The following ZFHX3 variants were observed in gnomAD, a reference collection of about 807,000 sequenced individuals.
ZFHX3 encodes zinc finger homeobox 3, also known as zinc finger homeobox protein 3.
Under a neutral mutation model 279.1 loss-of-function variants are expected in ZFHX3, and 42 were observed. The ratio of observed to expected loss-of-function variants is 0.15; its 90% confidence interval spans 0.12 to 0.19. The LOEUF is 0.19. Ranked by LOEUF, ZFHX3 falls within the 10% of genes least tolerant of loss-of-function variation. The probability of loss-of-function intolerance (pLI) is 1.00; values close to 1 mark genes in which losing one functional copy is unlikely to be tolerated. For missense variants in ZFHX3, 4,981 were observed against 4,754.0 expected (o/e 1.05, Z -1.40); for synonymous variants, 2,293 against 1,957.8 (o/e 1.17, Z -4.52).
chr16:73,773,649 G>T (rs1258082700), intron 1 of ZFHX3, among the ~76,000 whole-genome samples: 1 of 152,218 alleles, frequency 6.6e-6, no homozygotes, highest in Admixed American at 6.5e-5. Flanking sequence ...GTAGAGATAT[G>T]TGAGCAAGCA....
intron 1 of ZFHX3, among the ~76,000 whole-genome samples, chr16:73,821,929 C>T (rs536892800): frequency 6.6e-6 from 1 of 152,272 alleles, no homozygotes; most frequent in South Asian, 2.1e-4. Context: ...GGTCACAACC[C>T]AAAGACTCCA....
rs531227688 is a variant in ZFHX3, at chr16:73,698,110, T to C, written c.-1607-17870A>G. ...AGTTTAGTTAATTGCATGGTATCAA[T>C]GTCAATTTCTTAGTTTTGGTAATTG... On this transcript the variant is annotated intron_variant, in intron 1 of 17. Transcript: ENST00000641206. Among the ~76,000 whole-genome samples the C allele has an allele frequency of 3.9e-5, 6 of 152,248 alleles. No individual in the cohort carries two copies. The East Asian group carries it at 7.7e-4, about 20-fold the overall frequency.
chr16:73,744,011 CT>C (rs1347676295), intron 1 of ZFHX3, among the ~76,000 whole-genome samples: 4 of 152,166 alleles, frequency 2.6e-5, no homozygotes, highest in Non-Finnish European at 4.4e-5. Flanking sequence ...AACTCTCCCT[CT>C]TTTAATTCCG....
At chr16:72,817,047 A>ATTACGTTG (rs2036627875) in intron 5 of ZFHX3, among the ~76,000 whole-genome samples, 1 of 152,270 alleles carries the variant, frequency 6.6e-6, no homozygotes, top group African/African-American at 2.4e-5. Context: ...AAATGGTTTT[A>ATTACGTTG]TTACGTTGTA....
Position 72,796,723 on chromosome 16 carries a change from A to G in ZFHX3, c.5959T>C (p.Ser1987Pro). 6.2e-7 allele frequency: 1 copy of G among 1,613,732 alleles called. No homozygotes were observed. The highest frequency in any genetic ancestry group is 8.5e-7 in the Non-Finnish European group (1 of 1,179,956). ...ATGTTGGAAAACAACTTGCCGCAGG[A>G]GTCACACTCGAGCTTTTCCAGGTTC... Reference protein sequence around the residue: ...GENLEKLECDSCGKLFSNILI... With the variant: ...GENLEKLECDPCGKLFSNILI... The change falls in exon 9 of 10, where the codon TCC (serine) becomes CCC (proline). Residue 1987 changes from serine to proline, a missense_variant. This residue lies in a region of ZFHX3 where 1,751 missense variants were observed against 1,770.0 expected (regional missense o/e 0.99). Transcript: ENST00000268489.
In ZFHX3 at chr16:72,864,212, C is replaced by T. The variant is rs760823874; in HGVS notation, c.3448+25519G>A. Among the ~76,000 whole-genome samples, 39 of 152,198 alleles carry T rather than the reference C, an allele frequency of 2.6e-4. No homozygotes were observed. In the Middle Eastern group the frequency reaches 0.02, roughly 80 times the overall value. ...CTTATGTTTGATTTTAATTCTTTACCTGACCCTTATATTTTTTTCTTTTGA... is the reference window on the plus strand; with the variant it reads ...CTTATGTTTGATTTTAATTCTTTACTTGACCCTTATATTTTTTTCTTTTGA... On this transcript the variant is annotated intron_variant, in intron 4 of 9. Coordinates refer to ENST00000268489, the MANE Select transcript of ZFHX3 (RefSeq NM_006885.4).
At chr16:73,263,300 C>T (rs1048920610) in intron 4 of ZFHX3, among the ~76,000 whole-genome samples, 1 of 152,086 alleles carries the variant, frequency 6.6e-6, no homozygotes, top group Non-Finnish European at 1.5e-5. Context: ...CCCACCTCAG[C>T]CTCCTGAGTA....
intron 3 of ZFHX3, among the ~76,000 whole-genome samples, chr16:73,413,268 A>G (rs1045450058): frequency 6.6e-6 from 1 of 152,234 alleles, no homozygotes; most frequent in Non-Finnish European, 1.5e-5. Flanking sequence ...CACAGAACAG[A>G]GCAAAGAACA....
chr16:73,427,682 T>A (rs1447819606), intron 3 of ZFHX3, among the ~76,000 whole-genome samples: 1 of 151,908 alleles, frequency 6.6e-6, no homozygotes, highest in Non-Finnish European at 1.5e-5. Flanking sequence ...ATGCTTGTAA[T>A]CCTAGCACTT....
intron 1 of ZFHX3, among the ~76,000 whole-genome samples, chr16:73,849,270 A>G (rs1251127094): frequency 1.3e-5 from 2 of 152,178 alleles, no homozygotes; most frequent in East Asian, 1.9e-4. Context: ...GCCACATCTC[A>G]CAAGACCTGT....
intron 1 of ZFHX3, among the ~76,000 whole-genome samples, chr16:73,750,394 A>C (rs1478758919): frequency 6.6e-6 from 1 of 152,224 alleles, no homozygotes; most frequent in Non-Finnish European, 1.5e-5. Flanking sequence ...TATTACTATT[A>C]TCATGATAAT....
intron 1 of ZFHX3, among the ~76,000 whole-genome samples, chr16:73,024,255 G>T (rs904208717): frequency 2.6e-5 from 4 of 152,192 alleles, no homozygotes; most frequent in African/African-American, 9.7e-5. Context: ...ATGGGGGAAG[G>T]GAGGGGCGAA....
At chr16:72,811,002 TC>T (rs2036428924) in intron 7 of ZFHX3, among the ~76,000 whole-genome samples, 1 of 152,162 alleles carries the variant, frequency 6.6e-6, no homozygotes, top group African/African-American at 2.4e-5. Context: ...CAATTCAGCC[TC>T]CCAAGTAGCT....
chr16:73,051,424 C>G (rs556180781), upstream of ZFHX3, among the ~76,000 whole-genome samples: 1 of 152,306 alleles, frequency 6.6e-6, no homozygotes, highest in South Asian at 2.1e-4. Context: ...AGAAGTTCCT[C>G]AGAACAGCTC....
At chr16:73,388,137 C>G (rs2016938314) in intron 3 of ZFHX3, among the ~76,000 whole-genome samples, 1 of 152,116 alleles carries the variant, frequency 6.6e-6, no homozygotes, top group African/African-American at 2.4e-5. Flanking sequence ...TATTCTTGCC[C>G]TCTCCTTGGA....
chr16:73,247,153 T>A (rs997476101), intron 5 of ZFHX3, among the ~76,000 whole-genome samples: 2 of 151,726 alleles, frequency 1.3e-5, no homozygotes, highest in Non-Finnish European at 2.9e-5. Flanking sequence ...ACTGTGTATA[T>A]AATGTGTCTG....
At chr16:73,607,372 G>A (rs1291881795) in intron 2 of ZFHX3, among the ~76,000 whole-genome samples, 1 of 152,094 alleles carries the variant, frequency 6.6e-6, no homozygotes, top group East Asian at 1.9e-4. Flanking sequence ...TGCTGTATAT[G>A]TACTACATTT....
At chr16:72,890,035 A>C in intron 3 of ZFHX3, 73 bp from the exon 4 acceptor site, 1 of 1,367,952 alleles carries the variant, frequency 7.3e-7, no homozygotes, top group Non-Finnish European at 1.0e-6. Context: ...AGCCCACACC[A>C]TCCTGGTCAC....
At chr16:73,150,305 G>C (rs1265627099) in intron 5 of ZFHX3, among the ~76,000 whole-genome samples, 1 of 152,136 alleles carries the variant, frequency 6.6e-6, no homozygotes, top group Non-Finnish European at 1.5e-5. Flanking sequence ...GGCTGGTGTG[G>C]CTCAGTAATC....
Sources: gnomAD v4.1 joint callset for allele counts (sites outside exome capture counted in the v4.1 genomes callset) on GRCh38, gnomAD v4.1.1 for gene constraint, gnomAD v4.1.1 regional missense constraint, MANE v1.5 for transcripts, NCBI Gene and HGNC (gene_info 2026-07-23, HGNC 2026-07-21) for gene names.